RAD54L2: variants seen among roughly 807,000 people sequenced by gnomAD.
The protein encoded by RAD54L2 is helicase ARIP4.
A neutral mutation model predicts 138.4 loss-of-function variants in RAD54L2; 27 were observed. The observed-to-expected ratio is 0.20, with a 90% CI of 0.14 to 0.27. The LOEUF (loss-of-function observed/expected upper bound fraction) is 0.27, where lower values mean the gene tolerates loss of function less well. Among genes scored for constraint, RAD54L2 ranks in the 10% least tolerant of loss-of-function variants. The pLI, the probability that RAD54L2 is intolerant of heterozygous loss-of-function variation, is 1.00. For synonymous variants in RAD54L2, 644 were observed against 723.2 expected (o/e 0.89, Z 1.76); for missense variants, 1,396 against 1,890.2 (o/e 0.74, Z 4.85).
intron 3 of RAD54L2, among the ~76,000 whole-genome samples, chr3:51,596,248 G>T (rs1699962549): frequency 6.7e-6 from 1 of 149,336 alleles, no homozygotes; most frequent in Admixed American, 6.8e-5. Context: ...CTTTAAGCCT[G>T]CAGTAGACTC....
Position 51,633,928 on chromosome 3 carries a change from A to G in RAD54L2, c.1035A>G (p.Ala345=), listed in dbSNP as rs749976872. The change falls in exon 9 of 23, where the codon GCA becomes GCG. Residue 345 remains alanine, a synonymous_variant. Transcript: ENST00000684192. ...TTAATACTCTTCAGAATTGGCTGGC[A>G]GAGTTCAACATGTGGCTTCCACCTC... ...VPVNTLQNWL[A]EFNMWLPPPE... is the part of the protein sequence containing the mutation. 2.5e-6 allele frequency: 4 copies of G among 1,613,976 alleles called. No individual in the cohort carries two copies. Among genetic ancestry groups the G allele is most frequent in the Non-Finnish European group, 3.4e-6 (4 of 1,179,872 alleles).
rs767279054 is a variant in RAD54L2 at position 51,646,347 on chromosome 3, G to T, written c.2892G>T (p.Glu964Asp). The change falls in exon 19 of 23, where the codon GAG becomes GAT. Residue 964 changes from glutamate (E) to aspartate (D), a missense_variant. Physicochemically the swap from Glu to Asp is conservative, Grantham distance 45. This residue lies in a region of RAD54L2 where 634 missense variants were observed against 711.2 expected (regional missense o/e 0.89). Transcript: ENST00000684192. ...AGGATCACAAGCTAACCAAGGCTGAGAAAAAAGCAGCAAAGAAAAGCTATG... is the reference window on the plus strand; with the variant it reads ...AGGATCACAAGCTAACCAAGGCTGATAAAAAAGCAGCAAAGAAAAGCTATG... ...NRKDHKLTKA[E>D]KKAAKKSYEE... 6.2e-7 allele frequency: 1 copy of T among 1,610,926 alleles called. No individual in the cohort carries two copies. The highest frequency in any genetic ancestry group is 1.1e-5 in the South Asian group (1 of 90,382).
At chr3:51,612,835 C>G (rs1177686084) in intron 3 of RAD54L2, among the ~76,000 whole-genome samples, 2 of 152,142 alleles carry the variant, frequency 1.3e-5, no homozygotes, top group Non-Finnish European at 2.9e-5. Flanking sequence ...TGATTTTCAT[C>G]AGTGTCTTCA....
intron 2 of RAD54L2, among the ~76,000 whole-genome samples, chr3:51,554,994 C>T (rs1698929672): frequency 6.6e-6 from 1 of 152,090 alleles, no homozygotes; most frequent in Non-Finnish European, 1.5e-5. Context: ...AGGTGTGTGC[C>T]ACCATGCCTG....
chr3:51,657,469 G>A, intron 20 of RAD54L2, 111 bp from the exon 21 acceptor site: 1 of 650,376 alleles, frequency 1.5e-6, no homozygotes, highest in Admixed American at 2.2e-5. Context: ...CCCACTGAGA[G>A]GCTGTAGGGA....
chr3:51,557,199 TTTTTTTTTGAG>T, intron 2 of RAD54L2, among the ~76,000 whole-genome samples: 1 of 89,104 alleles, frequency 1.1e-5, no homozygotes, highest in Admixed American at 1.1e-4. Context: ...TTTTTTTTTT[TTTTTTTTTGAG>T]ACAGGGTCTC....
In RAD54L2 at chr3:51,663,962, GTA is replaced by G. The variant is rs1290137358; in HGVS notation, c.*544_*545del. On this transcript the variant is annotated 3_prime_UTR_variant, in exon 23 of 23. Transcript: ENST00000684192. ...TATGTGTGTTTGTGAGTGTGTGTGT[GTA>G]TGTTTATTTTGTATGTGTATGTATG... 6.5e-6 allele frequency: 1 copy of G among 154,284 alleles called. No homozygotes were observed. The highest frequency in any genetic ancestry group is 2.4e-5 in the African/African-American group (1 of 40,902). 9.6% of individuals were successfully genotyped at this position (154,284 alleles called of 1,614,324 possible).
intron 21 of RAD54L2, 94 bp from the exon 22 acceptor site, chr3:51,659,932 C>A: frequency 1.2e-6 from 1 of 831,866 alleles, no homozygotes; most frequent in South Asian, 1.7e-5. Context: ...AATTGTATAG[C>A]TATTTACAAG....
In RAD54L2 at chr3:51,640,575, C is replaced by T. The variant is rs1003314486; in HGVS notation, c.2231+576C>T. Among the ~76,000 whole-genome samples, 12 of 152,266 alleles carry T rather than the reference C, an allele frequency of 7.9e-5. No homozygotes were observed. The Middle Eastern group carries it at 0.01, about 129-fold the overall frequency. Reference sequence around the variant, plus strand: ...TTTATAATCTGACCAGATTATGCTCCAAGAAGAGCCAAGTGGCAGGAGCCT... The same window carrying T: ...TTTATAATCTGACCAGATTATGCTCTAAGAAGAGCCAAGTGGCAGGAGCCT... On this transcript the variant is annotated intron_variant, in intron 14 of 22. Transcript: ENST00000684192.
intron 2 of RAD54L2, among the ~76,000 whole-genome samples, chr3:51,557,398 T>C (rs1698997422): frequency 6.6e-6 from 1 of 151,634 alleles, no homozygotes; most frequent in Non-Finnish European, 1.5e-5. Context: ...CCCAGGCTGG[T>C]CTCAAAACTC....
intron 21 of RAD54L2, among the ~76,000 whole-genome samples, chr3:51,659,479 G>C (rs1392395760): frequency 6.6e-6 from 1 of 152,208 alleles, no homozygotes; most frequent in Non-Finnish European, 1.5e-5. Flanking sequence ...CGAGGAGGTT[G>C]ATCAAATGAC....
chr3:51,660,221 T>C, intron 22 of RAD54L2, 103 bp downstream of exon 22: 1 of 840,134 alleles, frequency 1.2e-6, no homozygotes, highest in East Asian at 2.7e-5. Flanking sequence ...ATGTACATGG[T>C]TCACAATTCA....
chr3:51,597,142 G>C (rs539943158), intron 3 of RAD54L2, among the ~76,000 whole-genome samples: 18 of 146,942 alleles, frequency 1.2e-4, no homozygotes, highest in African/African-American at 4.3e-4. Flanking sequence ...TCCAGCCTGG[G>C]GGACAAGAGC....
At chr3:51,572,342 A>G (rs1699354651) in intron 2 of RAD54L2, among the ~76,000 whole-genome samples, 1 of 151,724 alleles carries the variant, frequency 6.6e-6, no homozygotes, top group Non-Finnish European at 1.5e-5. Flanking sequence ...AATCCCAGCT[A>G]CTCAGGAGAC....
intron 2 of RAD54L2, among the ~76,000 whole-genome samples, chr3:51,576,527 C>G (rs1699485288): frequency 6.6e-6 from 1 of 152,040 alleles, no homozygotes; most frequent in Non-Finnish European, 1.5e-5. Context: ...ATTTCAGAGC[C>G]TGTTATTGGT....
intron 2 of RAD54L2, among the ~76,000 whole-genome samples, chr3:51,563,081 G>A (rs190816573): frequency 1.3e-5 from 2 of 152,074 alleles, no homozygotes; most frequent in Admixed American, 1.3e-4. Flanking sequence ...CTGACCTGTC[G>A]TGTGTATCTT....
chr3:51,610,639 C>CA (rs538225499), intron 3 of RAD54L2, among the ~76,000 whole-genome samples: 2,133 of 58,700 alleles, frequency 0.036, 24 homozygotes, highest in South Asian at 0.13. Flanking sequence ...GACTCCATCT[C>CA]AAAAAAAAAA....
intron 2 of RAD54L2, among the ~76,000 whole-genome samples, chr3:51,582,587 CTTT>C (rs60539114): frequency 7.0e-6 from 1 of 142,468 alleles, no homozygotes. Context: ...ACAACTCTGC[CTTT>C]TTTTTTTTTT....
intron 3 of RAD54L2, among the ~76,000 whole-genome samples, chr3:51,617,251 A>G (rs1177814650): frequency 6.6e-6 from 1 of 152,170 alleles, no homozygotes; most frequent in Admixed American, 6.6e-5. Context: ...CAAGAAGTGA[A>G]TCACTGGGTT....
Sources: allele counts gnomAD v4.1 joint callset (sites outside exome capture counted in the v4.1 genomes callset), GRCh38; gene constraint gnomAD v4.1.1; regional missense constraint gnomAD v4.1.1; transcripts MANE v1.5; gene names NCBI Gene and HGNC (gene_info 2026-07-23, HGNC 2026-07-21).